UFL1: variants seen among roughly 807,000 people sequenced by gnomAD.
The protein encoded by UFL1 is E3 UFM1-protein ligase 1.
In UFL1, 78 loss-of-function variants were observed where a neutral mutation model predicts 99.3. The ratio of observed to expected loss-of-function variants is 0.79; its 90% CI spans 0.65 to 0.95. The LOEUF (loss-of-function observed/expected upper bound fraction) is 0.95. Among genes scored for constraint, UFL1 ranks in the 40% least tolerant of loss-of-function variants. UFL1 has a pLI of 0.00. For synonymous variants in UFL1, 335 were observed against 322.2 expected, an observed-to-expected ratio of 1.04 and a Z score of -0.42; for missense variants, 936 against 937.0, an observed-to-expected ratio of 1.00 and a Z score of 0.01.
rs867877021 is a variant in UFL1, at chr6:96,543,134, T to C, written c.1402+118T>C. 38 of 1,232,808 alleles carry C rather than the reference T, an allele frequency of 3.1e-5. 1 individual carries two copies. The Middle Eastern group carries it at 3.9e-3, about 128-fold the overall frequency. 76.4% of individuals were successfully genotyped at this position (1,232,808 alleles called of 1,614,324 possible). A position where few individuals can be genotyped will look rare whatever the true frequency, so the allele number is the denominator to read the frequency against. ...CAGGAAGTCCTTATTTTGCAGTGTT[T>C]CAGTGACACAAATTTCAGTTACCAC... On this transcript the variant is annotated intron_variant, in intron 12 of 18. Transcript: ENST00000369278.
chr6:96,549,433 C>A lies in UFL1; in HGVS notation c.1542C>A (p.Leu514=). 6.3e-7 allele frequency: 1 copy of A among 1,596,448 alleles called. No homozygotes were observed. The highest frequency in any genetic ancestry group is 8.5e-7 in the Non-Finnish European group (1 of 1,175,102). Residue 514 remains leucine (L), a synonymous_variant, in exon 14 of 19, where the codon CTC becomes CTA. Coordinates refer to ENST00000369278, the MANE Select transcript of UFL1 (RefSeq NM_015323.5). ...ACAGACCTCTTAATAAAACTTATCTCGAGGTGGTACGTTCAGTATTCATGT... is the reference window on the plus strand; with the variant it reads ...ACAGACCTCTTAATAAAACTTATCTAGAGGTGGTACGTTCAGTATTCATGT... The part of the protein sequence containing the change: ...YLIKPLNKTY[L]EVVRSVFMSS...
Position 96,555,062 on chromosome 6 carries a change from G to A in UFL1, c.*1559G>A, listed in dbSNP as rs1215798761. On this transcript the variant is annotated 3_prime_UTR_variant, in exon 19 of 19. Coordinates refer to ENST00000369278, the MANE Select transcript of UFL1 (RefSeq NM_015323.5). ...TGAAGCAAGTAAAAAGAAAAGCATT[G>A]TTTTAATTTGTTTGCATTAATTTTT... 1 of 152,408 alleles carries A rather than the reference G, an allele frequency of 6.6e-6. No individual in the cohort carries two copies. Among genetic ancestry groups the A allele is most frequent in the Admixed American group, 6.6e-5 (1 of 15,242 alleles). 9.4% of individuals were successfully genotyped at this position (152,408 alleles called of 1,614,324 possible).
At chr6:96,523,866 C>A (rs542233138) in intron 2 of UFL1, among the ~76,000 whole-genome samples, 4 of 152,066 alleles carry the variant, frequency 2.6e-5, no homozygotes, top group African/African-American at 7.2e-5. Flanking sequence ...ATTATGAAAG[C>A]CTCTCTTCAT....
Position 96,522,521 on chromosome 6 carries a change from T to G in UFL1, c.77+571T>G, listed in dbSNP as rs572758878. The stretch of plus-strand genomic sequence containing the variant: ...TGTGTCCAGAGGAGCCTAACTCTGC[T>G]TTTTAAAAATAACGCTAATAGAAGC... On this transcript the variant is annotated intron_variant, in intron 1 of 18. Coordinates refer to ENST00000369278, the MANE Select transcript of UFL1 (RefSeq NM_015323.5). Among the ~76,000 whole-genome samples, 162 of 152,334 alleles carry G rather than the reference T, an allele frequency of 1.1e-3. 1 individual carries two copies. Among genetic ancestry groups the G allele is most frequent in the African/African-American group, 3.8e-3 (158 of 41,584 alleles).
chr6:96,532,795 T>C (rs1769800377), intron 6 of UFL1, among the ~76,000 whole-genome samples: 1 of 152,154 alleles, frequency 6.6e-6, no homozygotes, highest in Non-Finnish European at 1.5e-5. Flanking sequence ...TCTTTGTAAA[T>C]TACCCAGCCT....
At chr6:96,552,712 T>C in intron 18 of UFL1, 50 bp downstream of exon 18, 1 of 1,495,500 alleles carries the variant, frequency 6.7e-7, no homozygotes, top group Non-Finnish European at 8.9e-7. Flanking sequence ...ACATTCTGAA[T>C]ATTTTGAGTG....
chr6:96,527,670 ACTT>A (rs1299686167), intron 5 of UFL1, among the ~76,000 whole-genome samples: 1 of 150,790 alleles, frequency 6.6e-6, no homozygotes, highest in Non-Finnish European at 1.5e-5. Flanking sequence ...TTTTTAAAAT[ACTT>A]CTTTAAAGTA....
At position 96,549,008 on chromosome 6, in the gene UFL1, T is replaced by C. The variant is rs942098959; in HGVS notation, c.1521-404T>C. On this transcript the variant is annotated intron_variant, in intron 13 of 18. Coordinates refer to ENST00000369278, the MANE Select transcript of UFL1 (RefSeq NM_015323.5). Reference sequence around the variant, plus strand: ...ATGAAATAGTTACTACTAATCATTTTGCACTGCTTTTTAGGCATAAAAAGG... The same window carrying C: ...ATGAAATAGTTACTACTAATCATTTCGCACTGCTTTTTAGGCATAAAAAGG... Among the ~76,000 whole-genome samples the C allele has an allele frequency of 1.3e-4, 19 of 151,708 alleles. No homozygotes were observed. In the Admixed American group the frequency reaches 1.3e-3, roughly 10 times the overall value.
intron 1 of UFL1, 98 bp from the exon 2 acceptor site, chr6:96,523,048 C>T (rs2127948066): frequency 1.6e-6 from 2 of 1,259,736 alleles, no homozygotes; most frequent in Non-Finnish European, 2.1e-6. Context: ...AGTGACTAAA[C>T]AAACTTTTTA....
Position 96,524,415 on chromosome 6 carries a change from G to A in UFL1, c.252+5G>A. 1 of 1,571,290 alleles carries A rather than the reference G, an allele frequency of 6.4e-7. No homozygotes were observed. The highest frequency in any genetic ancestry group is 8.6e-7 in the Non-Finnish European group (1 of 1,165,320). On this transcript the variant is annotated splice_donor_5th_base_variant and intron_variant, in intron 3 of 18. Transcript: ENST00000369278. ...AACATTGTTGATCTACAACAGGTAG[G>A]TTTTAAATTTATAAAATTTTTGCTT...
At chr6:96,541,848 C>T (rs1769935861) in intron 11 of UFL1, among the ~76,000 whole-genome samples, 1 of 150,742 alleles carries the variant, frequency 6.6e-6, no homozygotes, top group Non-Finnish European at 1.5e-5. Context: ...CATGAATGTT[C>T]CCCCCCATAG....
chr6:96,545,135 T>C (rs1769982299), intron 12 of UFL1, among the ~76,000 whole-genome samples: 1 of 151,104 alleles, frequency 6.6e-6, no homozygotes, highest in South Asian at 2.1e-4. Flanking sequence ...ATAATAGTAC[T>C]GTCTGTCTAC....
chr6:96,522,792 A>AT (rs1446764016), intron 1 of UFL1: 2 of 162,826 alleles, frequency 1.2e-5, no homozygotes, highest in African/African-American at 4.8e-5. Context: ...AAATTAGGGC[A>AT]TTTTTTGTTT....
intron 6 of UFL1, 132 bp downstream of exon 6, chr6:96,528,764 A>G (rs1233243438): frequency 8.6e-7 from 1 of 1,166,858 alleles, no homozygotes; most frequent in African/African-American, 1.6e-5. Flanking sequence ...AAACAGATAA[A>G]AGGGCAGCTT....
chr6:96,538,517 A>C, intron 9 of UFL1, 114 bp from the exon 10 acceptor site: 5 of 969,896 alleles, frequency 5.2e-6, no homozygotes, highest in Non-Finnish European at 7.4e-6. Context: ...ATATGGTTCC[A>C]AAAGCCACTG....
intron 1 of UFL1, 27 bp from the exon 2 acceptor site, chr6:96,523,119 T>C: frequency 1.3e-6 from 2 of 1,578,000 alleles, no homozygotes; most frequent in Non-Finnish European, 1.7e-6. Flanking sequence ...AGTGGACTTT[T>C]GAAACAACTT....
At chr6:96,548,926 A>G (rs993179725) in intron 13 of UFL1, among the ~76,000 whole-genome samples, 3 of 151,714 alleles carry the variant, frequency 2.0e-5, no homozygotes, top group Non-Finnish European at 1.5e-5. Context: ...TTTTTTTAAT[A>G]TAAATATTTT....
chr6:96,540,458 G>C (rs1769914975), intron 10 of UFL1, 77 bp from the exon 11 acceptor site: 1 of 1,485,968 alleles, frequency 6.7e-7, no homozygotes, highest in Non-Finnish European at 9.0e-7. Flanking sequence ...AGAATAATTA[G>C]TGAGTATATA....
rs1770130508 is a variant in UFL1, at chr6:96,554,688, C to A, written c.*1185C>A. The A allele has an allele frequency of 6.6e-6, 1 of 152,446 alleles. No homozygotes were observed. The highest frequency in any genetic ancestry group is 1.5e-5 in the Non-Finnish European group (1 of 67,984). 9.4% of individuals were successfully genotyped at this position (152,446 alleles called of 1,614,324 possible). On this transcript the variant is annotated 3_prime_UTR_variant, in exon 19 of 19. Transcript: ENST00000369278. ...TTAAAATATTTGAATACGAAAAGAT[C>A]AGTCTACCTCTACTCCATTCTAGAC... is the stretch of plus-strand genomic sequence containing the variant.
Sources: allele counts gnomAD v4.1 joint callset (sites outside exome capture counted in the v4.1 genomes callset), GRCh38; gene constraint gnomAD v4.1.1; transcripts MANE v1.5; gene names NCBI Gene and HGNC (gene_info 2026-07-23, HGNC 2026-07-21).